POU2AF1: variants seen among roughly 807,000 people sequenced by gnomAD.
POU2AF1 encodes POU domain class 2-associating factor 1.
A neutral mutation model predicts 26.3 loss-of-function variants in POU2AF1; 12 were observed. The ratio of observed to expected loss-of-function variants is 0.46; its 90% CI spans 0.29 to 0.74. The LOEUF is 0.74. Ranked by LOEUF, POU2AF1 falls within the 30% of genes least tolerant of loss-of-function variation. The pLI, the probability that POU2AF1 is intolerant of heterozygous loss-of-function variation, is 0.09. For missense variants in POU2AF1, 297 were observed against 334.5 expected (o/e 0.89, Z 0.87); for synonymous variants, 175 against 148.0 (o/e 1.18, Z -1.32).
At chr11:111,357,882 C>T in intron 2 of POU2AF1, 45 bp from the exon 3 acceptor site, 2 of 1,551,418 alleles carry the variant, frequency 1.3e-6, no homozygotes, top group South Asian at 2.5e-5. Flanking sequence ...TAGCCCTCGT[C>T]AACCGGCCCT....
At position 111,354,762 on chromosome 11, in the gene POU2AF1, A is replaced by C. The variant is rs565346894; in HGVS notation, c.457-187T>G. ...GAGGAGCCAGGCTGACTTCAACCGC[A>C]GCCCCAATCCTGACCCTTCCTAGCT... On this transcript the variant is annotated intron_variant, in intron 4 of 4. Coordinates refer to ENST00000393067, the MANE Select transcript of POU2AF1 (RefSeq NM_006235.3). Among the ~76,000 whole-genome samples the C allele has an allele frequency of 3.5e-4, 54 of 152,258 alleles. 1 individual carries two copies. The highest frequency in any genetic ancestry group is 1.0e-3 in the South Asian group (5 of 4,822).
At chr11:111,372,737 T>C (rs1291068396) in intron 1 of POU2AF1, among the ~76,000 whole-genome samples, 3 of 152,208 alleles carry the variant, frequency 2.0e-5, no homozygotes, top group African/African-American at 7.2e-5. Context: ...CCTTCCTTTC[T>C]AACAGCCCCT....
In POU2AF1 at chr11:111,377,789, C is replaced by G. The variant is rs4622303; in HGVS notation, c.16+1373G>C. The G allele has an allele frequency of 0.68, 124,133 of 183,530 alleles. 43,155 individuals are homozygous for G. Among genetic ancestry groups the G allele is most frequent in the Admixed American group, 0.78 (12,565 of 16,018 alleles). 11.4% of individuals were successfully genotyped at this position (183,530 alleles called of 1,614,324 possible). On this transcript the variant is annotated intron_variant, in intron 1 of 4. Coordinates refer to ENST00000393067, the MANE Select transcript of POU2AF1 (RefSeq NM_006235.3). ...GAATGCCCACCTGCTCTCATCCACA[C>G]AGCACTCACAACAGGGTCAGCTGCC...
intron 2 of POU2AF1, 111 bp downstream of exon 2, chr11:111,358,673 CACAT>C (rs1161928363): frequency 8.7e-6 from 11 of 1,263,044 alleles, no homozygotes; most frequent in African/African-American, 6.3e-5. Flanking sequence ...CACACACAAA[CACAT>C]ACACACACGC....
chr11:111,371,485 G>A (rs1171909627), intron 1 of POU2AF1, among the ~76,000 whole-genome samples: 2 of 152,026 alleles, frequency 1.3e-5, no homozygotes, highest in Non-Finnish European at 2.9e-5. Flanking sequence ...ACCTTACAAG[G>A]TCGGTAGGAA....
In POU2AF1 at chr11:111,353,889, A is replaced by C. The variant is rs1860785282; in HGVS notation, c.*372T>G. 3.4e-6 allele frequency: 1 copy of C among 290,994 alleles called. No individual in the cohort carries two copies. Among genetic ancestry groups the C allele is most frequent in the African/African-American group, 2.2e-5 (1 of 45,726 alleles). 18.0% of individuals were successfully genotyped at this position (290,994 alleles called of 1,614,324 possible). On this transcript the variant is annotated 3_prime_UTR_variant, in exon 5 of 5. Transcript: ENST00000393067. ...AAAAAAGAAGTAAGAAAGAGAGAAGAAGCGAGGGAGGGAGGGAGGTAAAGA... is the reference window on the plus strand; with the variant it reads ...AAAAAAGAAGTAAGAAAGAGAGAAGCAGCGAGGGAGGGAGGGAGGTAAAGA...
intron 1 of POU2AF1, among the ~76,000 whole-genome samples, chr11:111,365,674 C>T (rs1018483295): frequency 6.6e-6 from 1 of 152,146 alleles, no homozygotes; most frequent in Non-Finnish European, 1.5e-5. Context: ...CTTTCACTTT[C>T]GTATAAAGAA....
At chr11:111,365,212 C>T (rs533160697) in intron 1 of POU2AF1, among the ~76,000 whole-genome samples, 61 of 152,278 alleles carry the variant, frequency 4.0e-4, no homozygotes, top group Non-Finnish European at 5.4e-4. Context: ...AGAGACATCA[C>T]GGCCGGTCAA....
At chr11:111,369,658 G>A (rs544608344) in intron 1 of POU2AF1, among the ~76,000 whole-genome samples, 1 of 152,332 alleles carries the variant, frequency 6.6e-6, no homozygotes, top group South Asian at 2.1e-4. Context: ...TTTGCTGAGA[G>A]TGGGGCATCA....
At chr11:111,358,374 ACTCT>A (rs147777787) in intron 2 of POU2AF1, among the ~76,000 whole-genome samples, 63 of 111,324 alleles carry the variant, frequency 5.7e-4, no homozygotes, top group African/African-American at 8.3e-4. Context: ...ACACTCACAC[ACTCT>A]CTCACACACA....
rs375048308 is a variant in POU2AF1 at position 111,363,048 on chromosome 11, A to G, written c.17-4130T>C. On this transcript the variant is annotated intron_variant, in intron 1 of 4. Transcript: ENST00000393067. ...TCCTACTGTTTCTAAGTCGATGAAC[A>G]AAGAGCGCTTGGTGGAGGTGCTGTG... is the stretch of plus-strand genomic sequence containing the variant. 504 of 814,962 alleles carry G rather than the reference A, an allele frequency of 6.2e-4. 2 individuals are homozygous for G. In the Middle Eastern group the frequency reaches 9.6e-3, roughly 16 times the overall value. 50.5% of individuals were successfully genotyped at this position (814,962 alleles called of 1,614,324 possible). A position where few individuals can be genotyped will look rare whatever the true frequency, so the allele number is the denominator to read the frequency against.
chr11:111,369,240 T>C (rs911637856), intron 1 of POU2AF1, among the ~76,000 whole-genome samples: 2 of 152,186 alleles, frequency 1.3e-5, no homozygotes, highest in African/African-American at 4.8e-5. Flanking sequence ...TTTATAAAGA[T>C]ACGATGAGCT....
At position 111,352,963 on chromosome 11, in the gene POU2AF1, G is replaced by GGAAGGA. The variant is rs1860756071; in HGVS notation, c.*1297_*1298insTCCTTC. ...AAACCAAAAAAAAGAAAGAAAGAGAGAGGAAGGAAGGAAGGAAGGAAGGAA... is the reference window on the plus strand; with the variant it reads ...AAACCAAAAAAAAGAAAGAAAGAGAGGAAGGAAGGAAGGAAGGAAGGAAGGAAGGAA... On this transcript the variant is annotated 3_prime_UTR_variant, in exon 5 of 5. Coordinates refer to ENST00000393067, the MANE Select transcript of POU2AF1 (RefSeq NM_006235.3). 7.3e-6 allele frequency: 1 copy of GGAAGGA among 137,512 alleles called. No individual in the cohort carries two copies. Among genetic ancestry groups the GGAAGGA allele is most frequent in the Non-Finnish European group, 1.5e-5 (1 of 67,932 alleles). The allele number at this position is 137,512 out of a possible 1,614,324, so 8.5% of individuals were successfully genotyped here.
Position 111,353,431 on chromosome 11 carries a change from C to G in POU2AF1, c.*830G>C. On this transcript the variant is annotated 3_prime_UTR_variant, in exon 5 of 5. Transcript: ENST00000393067. Reference sequence around the variant, plus strand: ...CCCTCCTCTGTCCCTCTCTTCGTCACTGGCCTGTCCCCACCCACCCTGATG... The same window carrying G: ...CCCTCCTCTGTCCCTCTCTTCGTCAGTGGCCTGTCCCCACCCACCCTGATG... The G allele has an allele frequency of 4.3e-6, 1 of 233,950 alleles. No homozygotes were observed. The highest frequency in any genetic ancestry group is 8.4e-6 in the Non-Finnish European group (1 of 118,444). 14.5% of individuals were successfully genotyped at this position (233,950 alleles called of 1,614,324 possible).
At chr11:111,374,449 C>T (rs1345614685) in intron 1 of POU2AF1, among the ~76,000 whole-genome samples, 5 of 152,206 alleles carry the variant, frequency 3.3e-5, no homozygotes, top group Admixed American at 2.0e-4. Flanking sequence ...GTAATCCCAG[C>T]ACTTTGGGAG....
chr11:111,369,106 C>T (rs1159711052), intron 1 of POU2AF1, among the ~76,000 whole-genome samples: 2 of 152,174 alleles, frequency 1.3e-5, no homozygotes, highest in African/African-American at 4.8e-5. Flanking sequence ...CCTGGAATCC[C>T]CAGGCAGCAA....
intron 2 of POU2AF1, 139 bp downstream of exon 2, chr11:111,358,641 ATCACACTC>A (rs1860935452): frequency 1.1e-6 from 1 of 944,564 alleles, no homozygotes; most frequent in Non-Finnish European, 1.6e-6. Context: ...CTCTCACACT[ATCACACTC>A]TCACACACTC....
In POU2AF1 at chr11:111,354,524, G is replaced by A; in HGVS notation, c.508C>T (p.His170Tyr). The A allele has an allele frequency of 1.3e-6, 2 of 1,567,144 alleles. No individual in the cohort carries two copies. The highest frequency in any genetic ancestry group is 8.6e-7 in the Non-Finnish European group (1 of 1,161,572). Reference protein sequence around the residue: ...AVGPPLEGPEHQAPLTYFPWP... With the variant: ...AVGPPLEGPEYQAPLTYFPWP... ...GGGAAATAGGTGAGGGGTGCCTGGT[G>A]CTCTGGGCCCTCCAGCGGGGGCCCC... The change falls in exon 5 of 5, where the codon CAC becomes TAC. Residue 170 changes from histidine (H) to tyrosine (Y), a missense_variant. His to Tyr is a moderately conservative substitution (Grantham distance 83). Coordinates refer to ENST00000393067, the MANE Select transcript of POU2AF1 (RefSeq NM_006235.3).
chr11:111,355,615 T>G (rs138828042), intron 4 of POU2AF1, among the ~76,000 whole-genome samples: 205 of 152,316 alleles, frequency 1.3e-3, no homozygotes, highest in African/African-American at 4.7e-3. Flanking sequence ...AGAACGCAGC[T>G]TCTGGCACAG....
Sources: allele counts gnomAD v4.1 joint callset (sites outside exome capture counted in the v4.1 genomes callset), GRCh38; gene constraint gnomAD v4.1.1; transcripts MANE v1.5; gene names NCBI Gene and HGNC (gene_info 2026-07-23, HGNC 2026-07-21).